The following SLC30A8 variants were observed in gnomAD, a reference collection of about 807,000 sequenced individuals.
SLC30A8 encodes the protein proton-coupled zinc antiporter SLC30A8.
SLC30A8 carries 27 observed loss-of-function variants against 36.9 expected under a neutral mutation model. The observed-to-expected ratio is 0.73, with a 90% CI of 0.54 to 1.01. The LOEUF (loss-of-function observed/expected upper bound fraction) is 1.01. SLC30A8 is among the 50% of genes least tolerant of loss of function. The pLI is 0.00. For missense variants in SLC30A8, 439 were observed against 452.0 expected, an observed-to-expected ratio of 0.97 and a Z score of 0.26; for synonymous variants, 164 against 172.4, an observed-to-expected ratio of 0.95 and a Z score of 0.38.
chr8:116,967,600 A>G (rs1285967545), intron 1 of SLC30A8, among the ~76,000 whole-genome samples: 1 of 152,242 alleles, frequency 6.6e-6, no homozygotes, highest in Non-Finnish European at 1.5e-5. Flanking sequence ...CATAGGGGGT[A>G]ATAAATGGGT....
intron 2 of SLC30A8, among the ~76,000 whole-genome samples, chr8:117,127,570 T>C (rs1489403344): frequency 6.6e-6 from 1 of 152,078 alleles, no homozygotes; most frequent in Non-Finnish European, 1.5e-5. Flanking sequence ...TTTGAATTTA[T>C]ATGACAAAGT....
At chr8:116,987,918 C>T (rs1420764348) in intron 1 of SLC30A8, among the ~76,000 whole-genome samples, 4 of 152,178 alleles carry the variant, frequency 2.6e-5, no homozygotes, top group Admixed American at 2.0e-4. Flanking sequence ...AGGCTGGTCT[C>T]GAACTCCTGA....
intron 1 of SLC30A8, among the ~76,000 whole-genome samples, chr8:117,142,141 C>T (rs1821682187): frequency 6.6e-6 from 1 of 152,134 alleles, no homozygotes; most frequent in Admixed American, 6.5e-5. Context: ...GTTACTCTAA[C>T]CAGAAACCAA....
At chr8:116,960,602 G>A (rs1239167454) in intron 1 of SLC30A8, among the ~76,000 whole-genome samples, 4 of 152,192 alleles carry the variant, frequency 2.6e-5, no homozygotes, top group African/African-American at 9.7e-5. Context: ...GTAAGAGGTA[G>A]AAATAGTAGA....
At chr8:117,039,651 C>G (rs538003369) in intron 2 of SLC30A8, among the ~76,000 whole-genome samples, 2 of 152,310 alleles carry the variant, frequency 1.3e-5, no homozygotes, top group South Asian at 4.1e-4. Flanking sequence ...GAGGCCTTCA[C>G]AATATTGTCT....
upstream of SLC30A8, among the ~76,000 whole-genome samples, chr8:117,132,977 G>A (rs1199845621): frequency 6.6e-6 from 1 of 151,936 alleles, no homozygotes; most frequent in Admixed American, 6.6e-5. Flanking sequence ...ATCTTCAAGA[G>A]TAACTTTTGG....
chr8:116,979,888 A>T (rs1024298736), intron 1 of SLC30A8, among the ~76,000 whole-genome samples: 1 of 152,208 alleles, frequency 6.6e-6, no homozygotes, highest in African/African-American at 2.4e-5. Flanking sequence ...ATGAGAAGGA[A>T]AATTAAAAAC....
At chr8:117,016,506 A>C (rs1220970015) in intron 1 of SLC30A8, among the ~76,000 whole-genome samples, 1 of 152,194 alleles carries the variant, frequency 6.6e-6, no homozygotes, top group Non-Finnish European at 1.5e-5. Flanking sequence ...ATCTCTCTCA[A>C]GTCTCTCATT....
chr8:116,958,606 A>G (rs941896352), intron 1 of SLC30A8, among the ~76,000 whole-genome samples: 1 of 151,422 alleles, frequency 6.6e-6, no homozygotes, highest in African/African-American at 2.4e-5. Context: ...TCTTTTTATT[A>G]CTGGTCTTTA....
In SLC30A8 at chr8:117,176,343, C is replaced by T. The variant is rs1823684956; in HGVS notation, c.*3662C>T. 2.6e-5 allele frequency: 4 copies of T among 152,500 alleles called. No homozygotes were observed. The South Asian group carries it at 8.3e-4, about 32-fold the overall frequency. 9.4% of individuals were successfully genotyped at this position (152,500 alleles called of 1,614,324 possible). ...CTTGCAAAGAGACAAGCCTCATTTT[C>T]CACAATTAGCTCTAAAGTGCCTCCA... On this transcript the variant is annotated 3_prime_UTR_variant, in exon 8 of 8. Coordinates refer to ENST00000456015, the MANE Select transcript of SLC30A8 (RefSeq NM_173851.3).
intron 4 of SLC30A8, 119 bp from the exon 5 acceptor site, chr8:117,161,619 T>C (rs1431839284): frequency 8.5e-6 from 8 of 940,262 alleles, no homozygotes; most frequent in Non-Finnish European, 1.3e-5. Flanking sequence ...TTTTAAAGCA[T>C]AAATATTTCA....
At chr8:116,951,762 G>A (rs186947330) in intron 1 of SLC30A8, among the ~76,000 whole-genome samples, 1 of 152,154 alleles carries the variant, frequency 6.6e-6, no homozygotes, top group African/African-American at 2.4e-5. Flanking sequence ...CAACATTTTT[G>A]TTGTGTCTAC....
chr8:116,989,561 T>A (rs1815560952), intron 1 of SLC30A8, among the ~76,000 whole-genome samples: 1 of 152,206 alleles, frequency 6.6e-6, no homozygotes, highest in Non-Finnish European at 1.5e-5. Context: ...TGTTTATTAT[T>A]TACCTAAATT....
chr8:117,143,477 T>C (rs1053074533), intron 1 of SLC30A8, among the ~76,000 whole-genome samples: 1 of 152,190 alleles, frequency 6.6e-6, no homozygotes, highest in Admixed American at 6.6e-5. Flanking sequence ...AACTTTCTTC[T>C]TAAAATAATA....
chr8:117,058,951 T>C (rs183589575), intron 2 of SLC30A8, among the ~76,000 whole-genome samples: 59 of 152,346 alleles, frequency 3.9e-4, no homozygotes, highest in African/African-American at 1.3e-3. Context: ...TAAAAAATGT[T>C]CTGATCCCTC....
intron 1 of SLC30A8, among the ~76,000 whole-genome samples, chr8:116,963,399 C>A (rs2130598712): frequency 6.6e-6 from 1 of 152,120 alleles, no homozygotes; most frequent in African/African-American, 2.4e-5. Context: ...ATTTTCATCA[C>A]CCCCAAATGA....
chr8:117,002,330 C>A (rs1339328473), intron 1 of SLC30A8, among the ~76,000 whole-genome samples: 1 of 152,050 alleles, frequency 6.6e-6, no homozygotes, highest in African/African-American at 2.4e-5. Flanking sequence ...AGTTTCTAGC[C>A]CTCAATGGAA....
At chr8:117,090,653 G>A (rs1239314363) in intron 2 of SLC30A8, among the ~76,000 whole-genome samples, 3 of 152,094 alleles carry the variant, frequency 2.0e-5, no homozygotes, top group Non-Finnish European at 4.4e-5. Context: ...ACATACCAAA[G>A]GCTTCACCTC....
chr8:117,153,051 C>A lies in SLC30A8; in HGVS notation c.379C>A (p.Pro127Thr), dbSNP rs1223417676. ...SLFSLWLSSK[P>T]PSKRLTFGWH... Reference sequence around the variant, plus strand: ...CTTCTCCCTGTGGTTGTCATCGAAGCCTCCCTCTAAGCGGCTGACATTTGG... The same window carrying A: ...CTTCTCCCTGTGGTTGTCATCGAAGACTCCCTCTAAGCGGCTGACATTTGG... Residue 127 changes from proline to threonine, a missense_variant, in exon 3 of 8, where the codon CCT (proline) becomes ACT (threonine). Physicochemically the swap from Pro to Thr is conservative, Grantham distance 38 (BLOSUM62 -1). Transcript: ENST00000456015. The A allele has an allele frequency of 1.2e-6, 2 of 1,612,902 alleles. No homozygotes were observed. The highest frequency in any genetic ancestry group is 2.7e-5 in the African/African-American group (2 of 74,886).
Sources: gnomAD v4.1 joint callset for allele counts (sites outside exome capture counted in the v4.1 genomes callset) on GRCh38, gnomAD v4.1.1 for gene constraint, MANE v1.5 for transcripts, NCBI Gene and HGNC (gene_info 2026-07-23, HGNC 2026-07-21) for gene names.